BCL9: variants seen among roughly 807,000 people sequenced by gnomAD.
The protein encoded by BCL9 is BCL9 transcription coactivator.
A neutral mutation model predicts 88.5 loss-of-function variants in BCL9; 25 were observed. The ratio of observed to expected loss-of-function variants is 0.28; its 90% CI spans 0.21 to 0.39. The LOEUF (loss-of-function observed/expected upper bound fraction) is 0.39. Ranked by LOEUF, BCL9 falls within the 10% of genes least tolerant of loss-of-function variation. The pLI is 1.00. For missense variants in BCL9, 1,817 were observed against 1,877.8 expected, an observed-to-expected ratio of 0.97 and a Z score of 0.60; for synonymous variants, 711 against 673.3, an observed-to-expected ratio of 1.06 and a Z score of -0.87.
At chr1:147,602,407 TC>T (rs1553201444) in intron 1 of BCL9, among the ~76,000 whole-genome samples, 1 of 152,026 alleles carries the variant, frequency 6.6e-6, no homozygotes, top group Non-Finnish European at 1.5e-5. Context: ...AGACAGGGTT[TC>T]ACCATGTTGG....
At chr1:147,614,769 C>T (rs1658187981) in intron 6 of BCL9, among the ~76,000 whole-genome samples, 153 bp downstream of exon 6, 1 of 152,126 alleles carries the variant, frequency 6.6e-6, no homozygotes. Context: ...CAGAGGCAAC[C>T]ACTGATAATA....
chr1:147,559,298 A>G (rs1218736387), intron 1 of BCL9, among the ~76,000 whole-genome samples: 1 of 152,136 alleles, frequency 6.6e-6, no homozygotes, highest in Non-Finnish European at 1.5e-5. Flanking sequence ...AGGCTCAAAG[A>G]CAGAGCTCTT....
intron 1 of BCL9, among the ~76,000 whole-genome samples, chr1:147,549,926 T>C (rs1553194658): frequency 6.6e-6 from 1 of 152,216 alleles, no homozygotes. Context: ...ACACCCCTAA[T>C]TGTTGCTTCT....
chr1:147,617,687 T>G (rs1212785925), intron 7 of BCL9, among the ~76,000 whole-genome samples: 1 of 152,242 alleles, frequency 6.6e-6, no homozygotes, highest in Non-Finnish European at 1.5e-5. Context: ...TTTGTTTACA[T>G]ATTTGCACAC....
intron 3 of BCL9, among the ~76,000 whole-genome samples, chr1:147,607,385 T>C (rs1657773102): frequency 6.6e-6 from 1 of 152,218 alleles, no homozygotes; most frequent in Non-Finnish European, 1.5e-5. Context: ...CTAGGCACTA[T>C]AGTAATTGCT....
intron 1 of BCL9, among the ~76,000 whole-genome samples, chr1:147,543,628 A>C (rs1654428993): frequency 6.6e-6 from 1 of 152,212 alleles, no homozygotes; most frequent in Non-Finnish European, 1.5e-5. Context: ...GTTCCTGACA[A>C]GATTTCAGGG....
At chr1:147,563,907 G>T (rs1553196386) in intron 1 of BCL9, among the ~76,000 whole-genome samples, 1 of 152,180 alleles carries the variant, frequency 6.6e-6, no homozygotes, top group Non-Finnish European at 1.5e-5. Context: ...CTCCAATGTT[G>T]CAGTTGAGGA....
At chr1:147,556,650 T>C (rs1402820537) in intron 1 of BCL9, among the ~76,000 whole-genome samples, 2 of 151,826 alleles carry the variant, frequency 1.3e-5, no homozygotes, top group Non-Finnish European at 2.9e-5. Flanking sequence ...GGTCTCATTA[T>C]GTTGCTCAGG....
chr1:147,589,021 G>A (rs1553199603), intron 1 of BCL9, among the ~76,000 whole-genome samples: 1 of 152,124 alleles, frequency 6.6e-6, no homozygotes, highest in East Asian at 1.9e-4. Flanking sequence ...ATGCTTGGAG[G>A]ATATCAGTGA....
chr1:147,614,605 G>A lies in BCL9; in HGVS notation c.549G>A (p.Glu183=), dbSNP rs1486699850. ...PAKVVYVFST[E]MANKAAEAVL... is the part of the protein sequence containing the mutation. ...AAGTGGTGTACGTGTTTTCTACTGA[G>A]ATGGCCAATAAGTAAGTTGATGGCT... is the stretch of plus-strand genomic sequence containing the variant. Residue 183 remains glutamate (E), a synonymous_variant, in exon 6 of 10, where the codon GAG becomes GAA. Coordinates refer to ENST00000234739, the MANE Select transcript of BCL9 (RefSeq NM_004326.4). 5 of 1,611,556 alleles carry A rather than the reference G, an allele frequency of 3.1e-6. No individual in the cohort carries two copies. The Admixed American group carries it at 6.7e-5, about 22-fold the overall frequency.
chr1:147,557,213 T>C (rs1297517480), intron 1 of BCL9, among the ~76,000 whole-genome samples: 2 of 152,190 alleles, frequency 1.3e-5, no homozygotes, highest in South Asian at 2.1e-4. Flanking sequence ...TAGCACAAAA[T>C]AACAGTGACA....
intron 1 of BCL9, among the ~76,000 whole-genome samples, chr1:147,574,193 A>T (rs940729923): frequency 2.6e-5 from 4 of 152,120 alleles, no homozygotes; most frequent in African/African-American, 9.7e-5. Flanking sequence ...TGGTAAGAAT[A>T]TTGAGGTCTT....
chr1:147,568,521 C>G (rs79225281), intron 1 of BCL9, among the ~76,000 whole-genome samples: 2,265 of 149,440 alleles, frequency 0.015, 23 homozygotes, highest in Non-Finnish European at 0.023. Context: ...CACTTGGATC[C>G]AAACAGAACA....
intron 1 of BCL9, among the ~76,000 whole-genome samples, chr1:147,598,158 T>G (rs1657134837): frequency 6.6e-6 from 1 of 152,214 alleles, no homozygotes; most frequent in Non-Finnish European, 1.5e-5. Context: ...ATAAGAAAAG[T>G]CCGTAAGTCC....
chr1:147,625,540 G>A lies in BCL9; in HGVS notation c.*581G>A, dbSNP rs1055904984. The A allele has an allele frequency of 4.1e-4, 69 of 167,498 alleles. 1 individual carries two copies. The highest frequency in any genetic ancestry group is 6.5e-4 in the Non-Finnish European group (56 of 86,514). The allele number at this position is 167,498 out of a possible 1,614,324, so 10.4% of individuals were successfully genotyped here. A position where few individuals can be genotyped will look rare whatever the true frequency, so the allele number is the denominator to read the frequency against. ...AACCAAACTACGACCTCAGAGCAGA[G>A]TATTAATGAAAAGCACAAAAAAAGG... On this transcript the variant is annotated 3_prime_UTR_variant, in exon 10 of 10. Transcript: ENST00000234739.
At position 147,590,618 on chromosome 1, in the gene BCL9, C is replaced by T. The variant is rs1227188574; in HGVS notation, c.-477-14159C>T. 3.5e-5 allele frequency among the ~76,000 whole-genome samples: 3 copies of T among 86,466 alleles called. No homozygotes were observed. In the African/African-American group the frequency reaches 4.1e-4, roughly 12 times the overall value. The allele number at this position is 86,466 out of a possible 152,430, so 56.7% of individuals were successfully genotyped here. ...TAGTTCAGGAATCACCACTCATCAT[C>T]ACATGACCTTGAACTAGTCTTGTAA... On this transcript the variant is annotated intron_variant, in intron 1 of 9. Coordinates refer to ENST00000234739, the MANE Select transcript of BCL9 (RefSeq NM_004326.4).
intron 3 of BCL9, among the ~76,000 whole-genome samples, chr1:147,610,109 G>A (rs1657921826): frequency 2.6e-5 from 4 of 151,306 alleles, no homozygotes; most frequent in Non-Finnish European, 5.9e-5. Flanking sequence ...TTCATTGAGA[G>A]GTTACAAAAT....
At chr1:147,580,499 C>G (rs1656318027) in intron 1 of BCL9, among the ~76,000 whole-genome samples, 1 of 152,148 alleles carries the variant, frequency 6.6e-6, no homozygotes, top group South Asian at 2.1e-4. Context: ...GTTTATCCCT[C>G]CTACCCTTCT....
Position 147,614,602 on chromosome 1 carries a change from T to G in BCL9, c.546T>G (p.Thr182=). 1.2e-6 allele frequency: 2 copies of G among 1,611,912 alleles called. No individual in the cohort carries two copies. The highest frequency in any genetic ancestry group is 1.7e-6 in the Non-Finnish European group (2 of 1,179,126). The change falls in exon 6 of 10, where the codon ACT becomes ACG. Residue 182 remains threonine (T), a synonymous_variant. Transcript: ENST00000234739. ...TPAKVVYVFS[T]EMANKAAEAV... Reference sequence around the variant, plus strand: ...CCAAAGTGGTGTACGTGTTTTCTACTGAGATGGCCAATAAGTAAGTTGATG... The same window carrying G: ...CCAAAGTGGTGTACGTGTTTTCTACGGAGATGGCCAATAAGTAAGTTGATG...
Sources: gnomAD v4.1 joint callset for allele counts (sites outside exome capture counted in the v4.1 genomes callset) on GRCh38, gnomAD v4.1.1 for gene constraint, MANE v1.5 for transcripts, NCBI Gene and HGNC (gene_info 2026-07-23, HGNC 2026-07-21) for gene names.